Variants in BCAS1 observed in about 807,000 individuals in gnomAD.
BCAS1 encodes the protein breast carcinoma-amplified sequence 1.
Under a neutral mutation model 65.4 loss-of-function variants are expected in BCAS1, and 46 were observed. That is an observed-to-expected ratio of 0.70 (90% confidence interval 0.55 to 0.90). BCAS1 has a LOEUF of 0.90. Among genes scored for constraint, BCAS1 ranks in the 40% least tolerant of loss-of-function variants. The pLI is 0.00. For missense variants in BCAS1, 793 were observed against 771.2 expected (o/e 1.03, Z -0.33); for synonymous variants, 298 against 293.5 (o/e 1.02, Z -0.16).
In BCAS1 at chr20:53,953,427, C is replaced by G. The variant is rs1387649031; in HGVS notation, c.1815+5G>C. 3 of 1,613,018 alleles carry G rather than the reference C, an allele frequency of 1.9e-6. No homozygotes were observed. Among genetic ancestry groups the G allele is most frequent in the Non-Finnish European group, 1.7e-6 (2 of 1,179,584 alleles). On this transcript the variant is annotated splice_donor_5th_base_variant and intron_variant, in intron 12 of 12. Transcript: ENST00000688948. ...AGAAAGAAGAGGCAAAAAAAATCCA[C>G]CTACCAGGCCTTTAAAGAAGCCCCC...
chr20:54,015,701 G>T (rs2091422765), intron 4 of BCAS1, among the ~76,000 whole-genome samples: 1 of 152,150 alleles, frequency 6.6e-6, no homozygotes, highest in Non-Finnish European at 1.5e-5. Context: ...TGTCACATAA[G>T]CTCTGGGTGG....
In BCAS1 at chr20:54,058,952, TG is replaced by T. The variant is rs144179911; in HGVS notation, c.-5-230del. ...GAATTGACTCATGGTTCCGCATGGC[TG>T]GGGAGACCGCAGGAAACTTACAATC... is the stretch of plus-strand genomic sequence containing the variant. On this transcript the variant is annotated intron_variant, in intron 1 of 12. Transcript: ENST00000688948. 5.8e-3 allele frequency among the ~76,000 whole-genome samples: 884 copies of T among 152,272 alleles called. 2 individuals are homozygous for T. Among genetic ancestry groups the T allele is most frequent in the Admixed American group, 0.011 (164 of 15,290 alleles).
intron 3 of BCAS1, among the ~76,000 whole-genome samples, chr20:54,051,901 G>C (rs1334369283): frequency 6.6e-6 from 1 of 152,072 alleles, no homozygotes; most frequent in Non-Finnish European, 1.5e-5. Flanking sequence ...ACCACGCCCA[G>C]CTAATTTTTG....
chr20:53,986,219 C>G (rs2090612313), intron 7 of BCAS1, among the ~76,000 whole-genome samples: 1 of 152,172 alleles, frequency 6.6e-6, no homozygotes, highest in African/African-American at 2.4e-5. Flanking sequence ...CCGCCTCCTT[C>G]CCTCTGTCTT....
intron 3 of BCAS1, among the ~76,000 whole-genome samples, chr20:54,050,432 ATAAG>A (rs752326365): frequency 1.3e-5 from 2 of 152,212 alleles, no homozygotes; most frequent in African/African-American, 4.8e-5. Context: ...AAGAAATTGC[ATAAG>A]TAAGTTGCAC....
intron 4 of BCAS1, among the ~76,000 whole-genome samples, chr20:54,026,859 T>C (rs1053661348): frequency 6.6e-6 from 1 of 152,240 alleles, no homozygotes; most frequent in African/African-American, 2.4e-5. Context: ...CCCCACACTC[T>C]GCTCCCCCAG....
At chr20:54,022,035 GT>G (rs2091571086) in intron 4 of BCAS1, among the ~76,000 whole-genome samples, 1 of 152,192 alleles carries the variant, frequency 6.6e-6, no homozygotes, top group Non-Finnish European at 1.5e-5. Context: ...CCTTTAATGT[GT>G]AAAAATGCAG....
chr20:53,995,322 A>G (rs982364943), intron 5 of BCAS1, among the ~76,000 whole-genome samples: 2 of 152,188 alleles, frequency 1.3e-5, no homozygotes, highest in African/African-American at 4.8e-5. Context: ...AAGACCACAG[A>G]CTTCCAATAA....
chr20:54,022,699 G>A (rs1005289830), intron 4 of BCAS1, among the ~76,000 whole-genome samples: 6 of 151,990 alleles, frequency 3.9e-5, no homozygotes, highest in African/African-American at 1.5e-4. Flanking sequence ...TACCTTGTTG[G>A]GTTTTTTTAA....
chr20:54,035,844 T>G, intron 3 of BCAS1, among the ~76,000 whole-genome samples: 1 of 151,244 alleles, frequency 6.6e-6, no homozygotes, highest in African/African-American at 2.4e-5. Context: ...GAAAATGTGG[T>G]ACATATACAC....
At chr20:54,005,908 G>A (rs1466004631) in intron 4 of BCAS1, among the ~76,000 whole-genome samples, 1 of 152,146 alleles carries the variant, frequency 6.6e-6, no homozygotes, top group Non-Finnish European at 1.5e-5. Flanking sequence ...TAGGGGGCAG[G>A]TTATTCAGTT....
chr20:54,018,096 GAA>G (rs1196375629), intron 4 of BCAS1, among the ~76,000 whole-genome samples: 1 of 152,164 alleles, frequency 6.6e-6, no homozygotes, highest in Non-Finnish European at 1.5e-5. Flanking sequence ...AAGAAAGAAA[GAA>G]AAAGTCACAT....
At chr20:54,048,370 T>C (rs1457564913) in intron 3 of BCAS1, among the ~76,000 whole-genome samples, 1 of 152,166 alleles carries the variant, frequency 6.6e-6, no homozygotes, top group Non-Finnish European at 1.5e-5. Context: ...TTCACTTGCA[T>C]CTCAAAGAGA....
rs200436441 is a variant in BCAS1, at chr20:54,063,951, TTA to T, written c.-5-5230_-5-5229del. On this transcript the variant is annotated intron_variant, in intron 1 of 12. Transcript: ENST00000688948. The stretch of plus-strand genomic sequence containing the variant: ...AACTGATTATATGAGTGTTTTGTCT[TTA>T]TGACCTTATTTTACATTAAACATAC... Among the ~76,000 whole-genome samples the T allele has an allele frequency of 8.1e-3, 1,239 of 152,184 alleles. 10 individuals are homozygous for T. Among genetic ancestry groups the T allele is most frequent in the Non-Finnish European group, 0.011 (744 of 67,990 alleles).
intron 4 of BCAS1, among the ~76,000 whole-genome samples, chr20:54,008,521 C>T (rs562764644): frequency 5.9e-5 from 9 of 152,312 alleles, no homozygotes; most frequent in African/African-American, 1.9e-4. Flanking sequence ...AGTATACCCC[C>T]GCCCCCCAAC....
Position 53,995,970 on chromosome 20 carries a change from C to T in BCAS1, c.804G>A (p.Leu268=), listed in dbSNP as rs1213983514. 6.2e-7 allele frequency: 1 copy of T among 1,613,620 alleles called. No individual in the cohort carries two copies. The highest frequency in any genetic ancestry group is 1.3e-5 in the African/African-American group (1 of 74,922). Residue 268 remains leucine (L), a synonymous_variant, in exon 5 of 13, where the codon CTG becomes CTA. Coordinates refer to ENST00000688948, the MANE Select transcript of BCAS1 (RefSeq NM_001366298.2). ...CCTGGGAATCGTCCTTTGCAGTCTC[C>T]AGTCCTTCTGGGTCCCCAGGGACAG... ...DCSVPGDPEG[L]ETAKDDSQAA...
rs1255430174 is a variant in BCAS1 at position 53,943,851 on chromosome 20, AAGAT to A, written c.*1067_*1070del. On this transcript the variant is annotated 3_prime_UTR_variant, in exon 13 of 13. Transcript: ENST00000688948. ...GCCATCTGAGAAACATTAATAATGTAAGATAGCAGAGACCAAATCTTTGTTAGGG... is the reference window on the plus strand; with the variant it reads ...GCCATCTGAGAAACATTAATAATGTAAGCAGAGACCAAATCTTTGTTAGGG... 1.3e-5 allele frequency: 2 copies of A among 152,250 alleles called. No individual in the cohort carries two copies. Among genetic ancestry groups the A allele is most frequent in the African/African-American group, 4.8e-5 (2 of 41,462 alleles). 9.4% of individuals were successfully genotyped at this position (152,250 alleles called of 1,614,324 possible).
At chr20:54,061,831 A>G (rs1271080040) in intron 1 of BCAS1, among the ~76,000 whole-genome samples, 4 of 152,208 alleles carry the variant, frequency 2.6e-5, no homozygotes, top group African/African-American at 9.6e-5. Flanking sequence ...CTGTCTGTTA[A>G]TGGGACATTA....
Position 53,943,965 on chromosome 20 carries a change from ATTTT to A in BCAS1, c.*953_*956del. On this transcript the variant is annotated 3_prime_UTR_variant, in exon 13 of 13. Transcript: ENST00000688948. ...GTGCAACTTCCTTTATTTTTTATTTATTTTTTTTTTTTAAGTTGTAATCTTTGCC... is the reference window on the plus strand; with the variant it reads ...GTGCAACTTCCTTTATTTTTTATTTATTTTTTTTAAGTTGTAATCTTTGCC... 8.5e-6 allele frequency: 1 copy of A among 117,218 alleles called. No homozygotes were observed. Among genetic ancestry groups the A allele is most frequent in the Non-Finnish European group, 2.0e-5 (1 of 49,752 alleles). The allele number at this position is 117,218 out of a possible 1,614,324, so 7.3% of individuals were successfully genotyped here. A position where few individuals can be genotyped will look rare whatever the true frequency, so the allele number is the denominator to read the frequency against.
Sources: allele counts gnomAD v4.1 joint callset (sites outside exome capture counted in the v4.1 genomes callset), GRCh38; gene constraint gnomAD v4.1.1; transcripts MANE v1.5; gene names NCBI Gene and HGNC (gene_info 2026-07-23, HGNC 2026-07-21).